The following THNSL2 variants were observed in gnomAD, a reference collection of about 807,000 sequenced individuals.
THNSL2 encodes threonine synthase-like 2.
Under a neutral mutation model 40.0 loss-of-function variants are expected in THNSL2, and 34 were observed. The observed-to-expected ratio is 0.85, with a 90% CI of 0.65 to 1.13. The LOEUF is 1.13. Ranked by LOEUF, THNSL2 falls within the 50% of genes most tolerant of loss-of-function variation. The pLI is 0.00. For synonymous variants in THNSL2, 241 were observed against 247.5 expected, an observed-to-expected ratio of 0.97 and a Z score of 0.25; for missense variants, 537 against 608.8, an observed-to-expected ratio of 0.88 and a Z score of 1.24.
At chr2:88,177,616 G>A (rs1193179898) in intron 4 of THNSL2, among the ~76,000 whole-genome samples, 1 of 152,164 alleles carries the variant, frequency 6.6e-6, no homozygotes, top group Non-Finnish European at 1.5e-5. Context: ...GACTCACAAT[G>A]CTCTCAGGAA....
intron 4 of THNSL2, among the ~76,000 whole-genome samples, chr2:88,177,424 G>A (rs1439550988): frequency 2.0e-5 from 3 of 152,214 alleles, no homozygotes; most frequent in South Asian, 4.1e-4. Flanking sequence ...CATGTACATT[G>A]TATACTTGGT....
intron 7 of THNSL2, chr2:88,183,585 C>G (rs1677933635): frequency 6.6e-6 from 1 of 152,116 alleles, no homozygotes; most frequent in South Asian, 2.1e-4. Flanking sequence ...TCCTTCCTCT[C>G]TCTTTCCTCC....
chr2:88,173,523 A>G lies in THNSL2; in HGVS notation c.223+150A>G, dbSNP rs1030730532. The G allele has an allele frequency of 7.4e-6, 4 of 542,686 alleles. No homozygotes were observed. In the African/African-American group the frequency reaches 7.8e-5, roughly 11 times the overall value. The allele number at this position is 542,686 out of a possible 1,614,324, so 33.6% of individuals were successfully genotyped here. A position where few individuals can be genotyped will look rare whatever the true frequency, so the allele number is the denominator to read the frequency against. On this transcript the variant is annotated intron_variant, in intron 2 of 8. Coordinates refer to ENST00000674334, the MANE Select transcript of THNSL2 (RefSeq NM_018271.5). Reference sequence around the variant, plus strand: ...TCTTTTCCTGACTCTAGAATCCCAGAATTGAAAATATTCTGAAAGATTTCG... The same window carrying G: ...TCTTTTCCTGACTCTAGAATCCCAGGATTGAAAATATTCTGAAAGATTTCG...
At chr2:88,175,587 A>G (rs1573177851) in intron 4 of THNSL2, 186 bp downstream of exon 4, 2 of 652,074 alleles carry the variant, frequency 3.1e-6, no homozygotes, top group Non-Finnish European at 5.2e-6. Flanking sequence ...ACAGTAAACT[A>G]TTGGAGGTGA....
Position 88,185,483 on chromosome 2 carries a change from C to T in THNSL2, c.1229+4C>T, listed in dbSNP as rs777983927. 1.9e-6 allele frequency: 3 copies of T among 1,602,948 alleles called. No homozygotes were observed. Among genetic ancestry groups the T allele is most frequent in the Non-Finnish European group, 2.6e-6 (3 of 1,174,558 alleles). On this transcript the variant is annotated splice_donor_region_variant and intron_variant, in intron 8 of 8. Coordinates refer to ENST00000674334, the MANE Select transcript of THNSL2 (RefSeq NM_018271.5). The stretch of plus-strand genomic sequence containing the variant: ...AGATAGACAGGCAGCAGCCCAGGTA[C>T]AGGCAATGGGGGCCTGGGCCACTGA...
chr2:88,178,776 C>A lies in THNSL2; in HGVS notation c.572-7C>A. The A allele has an allele frequency of 1.2e-6, 2 of 1,614,064 alleles. No individual in the cohort carries two copies. The highest frequency in any genetic ancestry group is 1.7e-6 in the Non-Finnish European group (2 of 1,179,956). ...TGACAGCTGCCCTCTTCTCTCCCCC[C>A]TGGCAGTGGAGGGAAACAGCGATGA... On this transcript the variant is annotated splice_polypyrimidine_tract_variant and splice_region_variant and intron_variant, in intron 4 of 8. Transcript: ENST00000674334.
intron 3 of THNSL2, 122 bp from the exon 4 acceptor site, chr2:88,175,127 A>G (rs1573175667): frequency 7.9e-6 from 9 of 1,145,372 alleles, no homozygotes; most frequent in Non-Finnish European, 9.8e-6. Context: ...TGCTAGGTTC[A>G]TATCATCCAA....
chr2:88,180,793 T>C (rs1677457970), intron 5 of THNSL2, among the ~76,000 whole-genome samples: 1 of 152,160 alleles, frequency 6.6e-6, no homozygotes, highest in Non-Finnish European at 1.5e-5. Flanking sequence ...GGACTGAGGT[T>C]ACTGCTCTGG....
intron 3 of THNSL2, 115 bp from the exon 4 acceptor site, chr2:88,175,134 C>G: frequency 8.4e-7 from 1 of 1,193,046 alleles, no homozygotes; most frequent in South Asian, 1.6e-5. Context: ...TTCATATCAT[C>G]CAAGTATTTG....
chr2:88,173,185 G>A lies in THNSL2; in HGVS notation c.35G>A (p.Arg12Gln), dbSNP rs139953850. The change falls in exon 2 of 9, where the codon CGG (arginine) becomes CAG (glutamine). Residue 12 changes from arginine to glutamine, a missense_variant. By Grantham distance (43) the Arg-to-Gln change is conservative. Coordinates refer to ENST00000674334, the MANE Select transcript of THNSL2 (RefSeq NM_018271.5). ...WYVSTRGVAP[R>Q]VNFEGALFSG... ...GTCAGCACCAGGGGCGTAGCCCCAC[G>A]GGTCAACTTTGAGGGGGCCCTCTTC... 4.1e-5 allele frequency: 66 copies of A among 1,598,106 alleles called. No homozygotes were observed. Among genetic ancestry groups the A allele is most frequent in the South Asian group, 3.0e-4 (27 of 89,712 alleles).
intron 3 of THNSL2, 80 bp downstream of exon 3, chr2:88,174,913 G>A (rs1048240181): frequency 2.0e-6 from 3 of 1,492,376 alleles, no homozygotes; most frequent in African/African-American, 1.4e-5. Context: ...TGTTCATAGA[G>A]CCACTCAGGA....
chr2:88,172,478 C>G (rs1328401050), intron 1 of THNSL2: 1 of 152,208 alleles, frequency 6.6e-6, no homozygotes, highest in Non-Finnish European at 1.5e-5. Flanking sequence ...ATGGGACTTG[C>G]AGTTTTAAGA....
chr2:88,184,053 A>G (rs929589104), intron 7 of THNSL2, among the ~76,000 whole-genome samples: 3 of 152,234 alleles, frequency 2.0e-5, no homozygotes, highest in African/African-American at 7.2e-5. Context: ...CTTGCATGAC[A>G]TAATTTTGCA....
At chr2:88,185,705 C>G (rs1169479534) in intron 8 of THNSL2, 193 bp from the exon 9 acceptor site, 37 of 1,551,122 alleles carry the variant, frequency 2.4e-5, no homozygotes, top group Non-Finnish European at 3.0e-5. Context: ...GGCCTCCAAC[C>G]AGGAGGAGCA....
At chr2:88,175,507 C>G in intron 4 of THNSL2, 106 bp downstream of exon 4, 2 of 1,398,912 alleles carry the variant, frequency 1.4e-6, no homozygotes, top group Non-Finnish European at 2.0e-6. Flanking sequence ...AGCTGACTGT[C>G]CTCCTTTCAT....
intron 1 of THNSL2, chr2:88,171,398 TC>T (rs1330965603): frequency 1.6e-5 from 7 of 448,134 alleles, no homozygotes; most frequent in Non-Finnish European, 2.7e-5. Flanking sequence ...TTGTTCCATA[TC>T]CTCCTTCCCA....
rs760399754 is a variant in THNSL2, at chr2:88,182,971, G to C, written c.975G>C (p.Val325=). 5 of 1,614,052 alleles carry C rather than the reference G, an allele frequency of 3.1e-6. No individual in the cohort carries two copies. Among genetic ancestry groups the C allele is most frequent in the Non-Finnish European group, 3.4e-6 (4 of 1,180,050 alleles). ...DIQVPYNMER[V]FWLLSGSDSQ... ...AGGTGCCCTACAACATGGAGAGGGTGTTCTGGCTGCTCTCTGGCTCTGACA... is the reference window on the plus strand; with the variant it reads ...AGGTGCCCTACAACATGGAGAGGGTCTTCTGGCTGCTCTCTGGCTCTGACA... The change falls in exon 7 of 9, where the codon GTG becomes GTC. Residue 325 remains valine (V), a synonymous_variant. Transcript: ENST00000674334.
chr2:88,175,423 C>G, intron 4 of THNSL2, 22 bp downstream of exon 4: 3 of 1,613,500 alleles, frequency 1.9e-6, no homozygotes, highest in South Asian at 2.2e-5. Flanking sequence ...GGCAGAGGCT[C>G]TAGGGACAGT....
Position 88,186,579 on chromosome 2 carries a change from C to T in THNSL2, c.*456C>T, listed in dbSNP as rs987051696. On this transcript the variant is annotated 3_prime_UTR_variant, in exon 9 of 9. Transcript: ENST00000674334. ...GGCCCACCTTGTCAGAGGCTTCCAC[C>T]CTGCTCACATGTTGGGAATCCCTGG... 5.3e-6 allele frequency: 1 copy of T among 187,572 alleles called. No individual in the cohort carries two copies. The highest frequency in any genetic ancestry group is 2.3e-5 in the African/African-American group (1 of 43,350). 11.6% of individuals were successfully genotyped at this position (187,572 alleles called of 1,614,324 possible).
Sources: allele counts gnomAD v4.1 joint callset (sites outside exome capture counted in the v4.1 genomes callset), GRCh38; gene constraint gnomAD v4.1.1; transcripts MANE v1.5; gene names NCBI Gene and HGNC (gene_info 2026-07-23, HGNC 2026-07-21).